DPYSL2: variants seen among roughly 807,000 people sequenced by gnomAD.
The protein encoded by DPYSL2 is dihydropyrimidinase like 2.
A neutral mutation model predicts 69.9 loss-of-function variants in DPYSL2; 13 were observed. The ratio of observed to expected loss-of-function variants is 0.19; its 90% CI spans 0.12 to 0.30. DPYSL2 has a LOEUF of 0.30. DPYSL2 is among the 10% of genes least tolerant of loss of function. The pLI, the probability that DPYSL2 is intolerant of heterozygous loss-of-function variation, is 1.00. For synonymous variants in DPYSL2, 326 were observed against 359.1 expected (o/e 0.91, Z 1.04); for missense variants, 587 against 918.9 (o/e 0.64, Z 4.67).
At position 26,587,117 on chromosome 8, in the gene DPYSL2, C is replaced by T. The variant is rs1801624295; in HGVS notation, c.628+3134C>T. ...TTCTGTTTGCTGACCAGACGTTCTG[C>T]ATTGCTTTAAGTGAGTGAGTGGCTG... On this transcript the variant is annotated intron_variant, in intron 3 of 13. Coordinates refer to ENST00000521913, the MANE Select transcript of DPYSL2 (RefSeq NM_001197293.3). The surrounding 1 kb of genome is among the most constrained non-coding windows in gnomAD (Gnocchi z 4.2). Among the ~76,000 whole-genome samples, 1 of 152,254 alleles carries T rather than the reference C, an allele frequency of 6.6e-6. No individual in the cohort carries two copies. The highest frequency in any genetic ancestry group is 2.4e-5 in the African/African-American group (1 of 41,546).
rs117245463 is a variant in DPYSL2 at position 26,598,023 on chromosome 8, T to A, written c.628+14040T>A. Among the ~76,000 whole-genome samples, 6,144 of 152,194 alleles carry A rather than the reference T, an allele frequency of 0.04. 143 individuals are homozygous for A. The highest frequency in any genetic ancestry group is 0.11 in the South Asian group (519 of 4,816). ...TCAGGCTCGGTGCCCCACGGCTTGG[T>A]CCTGGTTTTCTGAATCGTCAGATGC... On this transcript the variant is annotated intron_variant, in intron 3 of 13. Transcript: ENST00000521913. The surrounding 1 kb of genome is among the most constrained non-coding windows in gnomAD (Gnocchi z 4.2).
chr8:26,636,290 A>C (rs1034944094), intron 8 of DPYSL2, among the ~76,000 whole-genome samples: 1 of 152,254 alleles, frequency 6.6e-6, no homozygotes, highest in African/African-American at 2.4e-5. Flanking sequence ...ATTTGCAAGA[A>C]GGCAGCGCAT....
Position 26,647,791 on chromosome 8 carries a change from A to C in DPYSL2, c.1587A>C (p.Thr529=), listed in dbSNP as rs139163162. ...PDSVKTISAK[T]HNSSLEYNIF... ...GCGTTAAAACCATCTCTGCCAAGAC[A>C]CACAACAGCGTAAGACCTGTTAACT... Residue 529 remains threonine (T), a synonymous_variant, in exon 11 of 14, where the codon ACA becomes ACC. Coordinates refer to ENST00000521913, the MANE Select transcript of DPYSL2 (RefSeq NM_001197293.3). This position sits in a 1 kb window ranked among gnomAD's most constrained non-coding sequence, Gnocchi z 5.1. The C allele has an allele frequency of 1.3e-3, 2,039 of 1,613,254 alleles. 6 individuals carry two copies. Among genetic ancestry groups the C allele is most frequent in the Non-Finnish European group, 1.5e-3 (1,761 of 1,179,510 alleles).
chr8:26,606,325 G>A (rs951098725), intron 3 of DPYSL2, among the ~76,000 whole-genome samples: 1 of 152,080 alleles, frequency 6.6e-6, no homozygotes, highest in Admixed American at 6.5e-5. Flanking sequence ...CATTTAAACA[G>A]TAAAGTCAGA....
chr8:26,545,798 C>T (rs1800758028), intron 1 of DPYSL2, among the ~76,000 whole-genome samples: 1 of 151,900 alleles, frequency 6.6e-6, no homozygotes, highest in African/African-American at 2.4e-5. Context: ...CATTGAATTT[C>T]CCTGCTCCTT....
Position 26,597,337 on chromosome 8 carries a change from G to A in DPYSL2, c.628+13354G>A, listed in dbSNP as rs1585534559. On this transcript the variant is annotated intron_variant, in intron 3 of 13. Coordinates refer to ENST00000521913, the MANE Select transcript of DPYSL2 (RefSeq NM_001197293.3). The surrounding 1 kb of genome is among the most constrained non-coding windows in gnomAD (Gnocchi z 5.2). Reference sequence around the variant, plus strand: ...TGATTTCTGTCACGTAGGCTGCTCCGAGGTTGCCTTGCCCTTGCCTGGCAC... The same window carrying A: ...TGATTTCTGTCACGTAGGCTGCTCCAAGGTTGCCTTGCCCTTGCCTGGCAC... Among the ~76,000 whole-genome samples, 2 of 152,234 alleles carry A rather than the reference G, an allele frequency of 1.3e-5. No homozygotes were observed. The highest frequency in any genetic ancestry group is 2.4e-5 in the African/African-American group (1 of 41,456).
At chr8:26,522,612 C>A (rs1344089591) in intron 1 of DPYSL2, among the ~76,000 whole-genome samples, 3 of 152,170 alleles carry the variant, frequency 2.0e-5, no homozygotes, top group African/African-American at 4.8e-5. Context: ...TGTTGAGCAT[C>A]TTTTCTCCTG....
chr8:26,542,091 A>G (rs548532182), intron 1 of DPYSL2, among the ~76,000 whole-genome samples: 1 of 152,246 alleles, frequency 6.6e-6, no homozygotes, highest in South Asian at 2.1e-4. Flanking sequence ...GGCTCAAACT[A>G]TGTCTTTAAC....
At chr8:26,568,752 C>T (rs1285237035) in intron 1 of DPYSL2, among the ~76,000 whole-genome samples, 1 of 94,644 alleles carries the variant, frequency 1.1e-5, no homozygotes, top group Non-Finnish European at 1.9e-5. Context: ...TCATAGTTAC[C>T]CCTTTTCCTT....
chr8:26,567,154 G>A (rs1037922113), intron 1 of DPYSL2, among the ~76,000 whole-genome samples: 1 of 135,794 alleles, frequency 7.4e-6, no homozygotes, highest in African/African-American at 2.7e-5. Context: ...ACATACATCT[G>A]CCCATCCATC....
chr8:26,569,375 A>C (rs1272552229), intron 1 of DPYSL2, among the ~76,000 whole-genome samples: 1 of 18,576 alleles, frequency 5.4e-5, no homozygotes, highest in Non-Finnish European at 1.6e-4. Flanking sequence ...CAAAAACAAA[A>C]ACAAAAAAAA....
At chr8:26,556,261 C>CTATATATATACTATATA (rs1330768618) in intron 1 of DPYSL2, among the ~76,000 whole-genome samples, 3 of 2,538 alleles carry the variant, frequency 1.2e-3, no homozygotes, top group Non-Finnish European at 2.4e-3. Context: ...TATATATATA[C>CTATATATATACTATATA]TATAGTATAT....
At chr8:26,549,087 G>C (rs1332386102) in intron 1 of DPYSL2, among the ~76,000 whole-genome samples, 5 of 151,940 alleles carry the variant, frequency 3.3e-5, no homozygotes, top group Non-Finnish European at 7.4e-5. Context: ...TACTCGGGAG[G>C]CTGAGGCAAG....
chr8:26,626,428 C>T lies in DPYSL2; in HGVS notation c.794-189C>T, dbSNP rs974081821. Among the ~76,000 whole-genome samples, 2 of 151,858 alleles carry T rather than the reference C, an allele frequency of 1.3e-5. No individual in the cohort carries two copies. Among genetic ancestry groups the T allele is most frequent in the Non-Finnish European group, 2.9e-5 (2 of 68,006 alleles). On this transcript the variant is annotated intron_variant, in intron 4 of 13. Coordinates refer to ENST00000521913, the MANE Select transcript of DPYSL2 (RefSeq NM_001197293.3). This position sits in a 1 kb window ranked among gnomAD's most constrained non-coding sequence, Gnocchi z 4.3. ...CACAGGTTATTTATATGGTACTCTG[C>T]TTCCTTTACCATTCTGTGTCTCCAT... is the stretch of plus-strand genomic sequence containing the variant.
chr8:26,543,360 C>G (rs1019423464), intron 1 of DPYSL2, among the ~76,000 whole-genome samples: 1 of 152,220 alleles, frequency 6.6e-6, no homozygotes, highest in African/African-American at 2.4e-5. Context: ...TTCTGCTCCT[C>G]TGCTGCCTAC....
intron 1 of DPYSL2, among the ~76,000 whole-genome samples, chr8:26,519,936 A>G (rs1808358144): frequency 6.6e-6 from 1 of 152,214 alleles, no homozygotes; most frequent in Non-Finnish European, 1.5e-5. Flanking sequence ...ATATAAAGGT[A>G]AAAGTAAATT....
chr8:26,614,631 G>C lies in DPYSL2; in HGVS notation c.629-9512G>C, dbSNP rs1165114835. Among the ~76,000 whole-genome samples, 5 of 152,166 alleles carry C rather than the reference G, an allele frequency of 3.3e-5. No individual in the cohort carries two copies. Among genetic ancestry groups the C allele is most frequent in the Non-Finnish European group, 2.9e-5 (2 of 68,034 alleles). ...AGATCTTGGCTTAACACTTCCCCCA[G>C]AGTTAGTCATAATCATTCTAGCAGG... On this transcript the variant is annotated intron_variant, in intron 3 of 13. Coordinates refer to ENST00000521913, the MANE Select transcript of DPYSL2 (RefSeq NM_001197293.3). The surrounding 1 kb of genome is among the most constrained non-coding windows in gnomAD (Gnocchi z 4.9).
At chr8:26,629,080 C>T (rs1358342863) in intron 7 of DPYSL2, among the ~76,000 whole-genome samples, 4 of 152,126 alleles carry the variant, frequency 2.6e-5, no homozygotes, top group Non-Finnish European at 5.9e-5. Flanking sequence ...TCAAGACAGG[C>T]AGAAAGACGA....
intron 1 of DPYSL2, among the ~76,000 whole-genome samples, chr8:26,549,521 C>T (rs929741244): frequency 1.1e-4 from 17 of 151,934 alleles, no homozygotes; most frequent in African/African-American, 2.2e-4. Flanking sequence ...ATAATGACTG[C>T]GAATTTCTCA....
Sources: gnomAD v4.1 joint callset for allele counts (sites outside exome capture counted in the v4.1 genomes callset) on GRCh38, gnomAD v4.1.1 for gene constraint, Gnocchi (gnomAD v3.1) non-coding constraint, MANE v1.5 for transcripts, NCBI Gene and HGNC (gene_info 2026-07-23, HGNC 2026-07-21) for gene names.